LTBP1: variants seen among roughly 807,000 people sequenced by gnomAD.
LTBP1 encodes the protein latent transforming growth factor beta binding protein 1, also known as latent-transforming growth factor beta-binding protein 1.
A neutral mutation model predicts 207.6 loss-of-function variants in LTBP1; 129 were observed. The ratio of observed to expected loss-of-function variants is 0.62; its 90% confidence interval spans 0.54 to 0.72. The LOEUF is 0.72. LTBP1 is among the 30% of genes least tolerant of loss of function. The pLI is 0.00. For missense variants in LTBP1, 2,281 were observed against 2,217.2 expected (o/e 1.03, Z -0.58); for synonymous variants, 963 against 833.7 (o/e 1.16, Z -2.67).
At chr2:33,242,581 T>TC (rs397970925) in intron 9 of LTBP1, among the ~76,000 whole-genome samples, 3 of 151,890 alleles carry the variant, frequency 2.0e-5, no homozygotes, top group Non-Finnish European at 4.4e-5. Flanking sequence ...GATTTTTTTT[T>TC]CCTTTTTTCT....
At chr2:33,358,291 T>C (rs995873131) in intron 26 of LTBP1, among the ~76,000 whole-genome samples, 2 of 151,962 alleles carry the variant, frequency 1.3e-5, no homozygotes, top group African/African-American at 4.8e-5. Context: ...ATAATCTCTT[T>C]CTCCAAAAAG....
chr2:32,988,329 A>G (rs111809415), intron 2 of LTBP1, among the ~76,000 whole-genome samples: 17 of 152,296 alleles, frequency 1.1e-4, no homozygotes, highest in African/African-American at 4.1e-4. Flanking sequence ...GTTTAGCATG[A>G]TATTGCACCT....
chr2:33,074,869 CAAAAAAAAA>C (rs36211816), intron 3 of LTBP1, among the ~76,000 whole-genome samples: 3 of 131,950 alleles, frequency 2.3e-5, no homozygotes, highest in African/African-American at 1.0e-4. Flanking sequence ...GACTCCATCT[CAAAAAAAAA>C]AAAAAAAAAA....
chr2:33,038,183 A>G (rs1254741592), intron 3 of LTBP1, among the ~76,000 whole-genome samples: 1 of 152,252 alleles, frequency 6.6e-6, no homozygotes, highest in African/African-American at 2.4e-5. Flanking sequence ...CCAAACCAAC[A>G]TAAAGGCGAA....
At chr2:33,024,906 C>T (rs1221962346) in intron 3 of LTBP1, among the ~76,000 whole-genome samples, 2 of 152,220 alleles carry the variant, frequency 1.3e-5, no homozygotes, top group African/African-American at 4.8e-5. Flanking sequence ...GCAGGGGTGG[C>T]AGTCATCTGA....
chr2:33,136,942 G>A (rs1295883437), intron 5 of LTBP1, among the ~76,000 whole-genome samples: 1 of 152,168 alleles, frequency 6.6e-6, no homozygotes, highest in Non-Finnish European at 1.5e-5. Flanking sequence ...AGTAGAGGAT[G>A]GGGTGAGAAG....
rs374685609 is a variant in LTBP1 at position 33,258,340 on chromosome 2, T to C, written c.2395+829T>C. Among the ~76,000 whole-genome samples the C allele has an allele frequency of 2.6e-5, 4 of 152,352 alleles. No individual in the cohort carries two copies. The South Asian group carries it at 8.3e-4, about 32-fold the overall frequency. On this transcript the variant is annotated intron_variant, in intron 12 of 33. Coordinates refer to ENST00000404816, the MANE Select transcript of LTBP1 (RefSeq NM_206943.4). The stretch of plus-strand genomic sequence containing the variant: ...AAAGCTCCTGTTGGCTTTTCACAGT[T>C]GATTCTGAGGTCAGAATTCAGGGGG...
chr2:33,135,781 G>A (rs4670893), intron 5 of LTBP1, among the ~76,000 whole-genome samples: 42 of 152,218 alleles, frequency 2.8e-4, no homozygotes, highest in Non-Finnish European at 5.3e-4. Context: ...TATTTTTGTC[G>A]CAGAAAAATG....
chr2:33,202,888 TTC>T (rs2089476055), intron 7 of LTBP1, among the ~76,000 whole-genome samples: 2 of 152,192 alleles, frequency 1.3e-5, no homozygotes, highest in African/African-American at 2.4e-5. Context: ...GACATCTGTC[TTC>T]TTGCTGAGCA....
intron 4 of LTBP1, among the ~76,000 whole-genome samples, chr2:33,116,967 C>T (rs1355431989): frequency 6.6e-6 from 1 of 152,188 alleles, no homozygotes; most frequent in Non-Finnish European, 1.5e-5. Flanking sequence ...CAGGAGACAT[C>T]TTAGCCCTGA....
chr2:33,336,687 A>C (rs2094557249), intron 24 of LTBP1, among the ~76,000 whole-genome samples: 1 of 152,226 alleles, frequency 6.6e-6, no homozygotes, highest in Non-Finnish European at 1.5e-5. Flanking sequence ...CGGAAAGCTC[A>C]TTAGTGAGCT....
chr2:33,206,489 C>T (rs1463853465), intron 7 of LTBP1, among the ~76,000 whole-genome samples: 3 of 152,020 alleles, frequency 2.0e-5, no homozygotes, highest in Non-Finnish European at 4.4e-5. Flanking sequence ...CCCTGTAATC[C>T]CAGCACTTTG....
chr2:33,361,469 G>A lies in LTBP1; in HGVS notation c.4224G>A (p.Val1408=). 1 of 1,610,962 alleles carries A rather than the reference G, an allele frequency of 6.2e-7. No homozygotes were observed. Among genetic ancestry groups the A allele is most frequent in the South Asian group, 1.1e-5 (1 of 90,930 alleles). The change falls in exon 28 of 34, where the codon GTG becomes GTA. Residue 1408 remains valine, a synonymous_variant. Coordinates refer to ENST00000404816, the MANE Select transcript of LTBP1 (RefSeq NM_206943.4). ...TEMCPKGKGF[V]PAGESSSEAG... ...TGTGTCCCAAAGGGAAAGGTTTTGT[G>A]CCTGCTGGAGAATCATCTTCTGAAG...
At chr2:33,300,618 A>T (rs1558973233) in intron 21 of LTBP1, 45 bp downstream of exon 21, 1 of 1,582,550 alleles carries the variant, frequency 6.3e-7, no homozygotes, top group Non-Finnish European at 8.6e-7. Flanking sequence ...AGCTTAAAGC[A>T]CCTGGTCTGA....
intron 2 of LTBP1, among the ~76,000 whole-genome samples, chr2:33,012,519 G>A (rs1226749292): frequency 6.6e-6 from 1 of 152,138 alleles, no homozygotes; most frequent in African/African-American, 2.4e-5. Flanking sequence ...AGGCCGCCAT[G>A]TTCCTCTTTC....
intron 5 of LTBP1, among the ~76,000 whole-genome samples, chr2:33,170,987 C>G (rs2085385679): frequency 2.6e-5 from 4 of 151,800 alleles, no homozygotes; most frequent in Admixed American, 2.6e-4. Context: ...ACAGAAAGGA[C>G]ATCCACACCA....
At chr2:33,121,307 A>AT (rs1374282052) in intron 4 of LTBP1, among the ~76,000 whole-genome samples, 2 of 151,988 alleles carry the variant, frequency 1.3e-5, no homozygotes, top group Non-Finnish European at 2.9e-5. Context: ...AATATTTTAA[A>AT]TATGCAGTGT....
At chr2:33,068,632 A>G (rs2149715126) in intron 3 of LTBP1, among the ~76,000 whole-genome samples, 2 of 152,246 alleles carry the variant, frequency 1.3e-5, no homozygotes, top group Middle Eastern at 6.8e-3. Flanking sequence ...GCAACCACTG[A>G]TCTTTTTATT....
chr2:33,279,226 A>C (rs529999358), intron 18 of LTBP1, among the ~76,000 whole-genome samples: 10 of 152,292 alleles, frequency 6.6e-5, no homozygotes, highest in African/African-American at 2.4e-4. Flanking sequence ...TGGTGTTAAC[A>C]CTTATTTTAA....
Sources: gnomAD v4.1 joint callset for allele counts (sites outside exome capture counted in the v4.1 genomes callset) on GRCh38, gnomAD v4.1.1 for gene constraint, MANE v1.5 for transcripts, NCBI Gene and HGNC (gene_info 2026-07-23, HGNC 2026-07-21) for gene names.